CNPY1: variants seen among roughly 807,000 people sequenced by gnomAD.
CNPY1 encodes canopy FGF signaling regulator 1.
In CNPY1, 14 loss-of-function variants were observed where a neutral mutation model predicts 14.4. That is an observed-to-expected ratio of 0.97 (90% CI 0.64 to 1.52). The LOEUF (loss-of-function observed/expected upper bound fraction) is 1.52. Ranked by LOEUF, CNPY1 falls within the 40% of genes most tolerant of loss-of-function variation. CNPY1 has a pLI of 0.00. For missense variants in CNPY1, 129 were observed against 131.5 expected (o/e 0.98, Z 0.09); for synonymous variants, 43 against 46.5 (o/e 0.92, Z 0.31).
Position 155,503,081 on chromosome 7 carries a change from T to G in CNPY1, c.425A>C (p.His142Pro), listed in dbSNP as rs752125701. 5.6e-6 allele frequency: 9 copies of G among 1,606,798 alleles called. No homozygotes were observed. The highest frequency in any genetic ancestry group is 5.1e-6 in the Non-Finnish European group (6 of 1,179,282). Residue 142 changes from histidine to proline, a missense_variant, in exon 5 of 5, where the codon CAT (histidine) becomes CCT (proline). Transcript: ENST00000636446. ...KSDLCETSAN[H>P]TEL Reference sequence around the variant, plus strand: ...AGAACGGCACTCCTAGAGCTCAGTATGATTAGCAGAAGTTTCACACAGATC... The same window carrying G: ...AGAACGGCACTCCTAGAGCTCAGTAGGATTAGCAGAAGTTTCACACAGATC...
chr7:155,526,303 C>CCA (rs1262347676), intron 2 of CNPY1, among the ~76,000 whole-genome samples: 4 of 152,168 alleles, frequency 2.6e-5, no homozygotes, highest in African/African-American at 9.7e-5. Flanking sequence ...CATGTCGACT[C>CCA]CACAGGTAGA....
chr7:155,539,019 G>A (rs758772923), intron 2 of CNPY1, among the ~76,000 whole-genome samples: 58 of 152,308 alleles, frequency 3.8e-4, no homozygotes, highest in Non-Finnish European at 6.6e-4. Context: ...CAGGGGCCAG[G>A]AGCCAGCTTC....
At position 155,501,693 on chromosome 7, in the gene CNPY1, T is replaced by C. The variant is rs1441932845; in HGVS notation, c.*1375A>G. 6.6e-6 allele frequency: 1 copy of C among 152,238 alleles called. No individual in the cohort carries two copies. Among genetic ancestry groups the C allele is most frequent in the Non-Finnish European group, 1.5e-5 (1 of 68,040 alleles). 9.4% of individuals were successfully genotyped at this position (152,238 alleles called of 1,614,324 possible). On this transcript the variant is annotated 3_prime_UTR_variant, in exon 5 of 5. Coordinates refer to ENST00000636446, the MANE Select transcript of CNPY1 (RefSeq NM_001393663.1). The stretch of plus-strand genomic sequence containing the variant: ...ACTGGAAAATAGTGTTAATTATTAT[T>C]CAGTTCTATTTCCATCGTGTGTCAG...
At chr7:155,508,820 T>C (rs1290805366) in intron 3 of CNPY1, 74 bp downstream of exon 3, 1 of 1,486,456 alleles carries the variant, frequency 6.7e-7, no homozygotes, top group Admixed American at 1.9e-5. Flanking sequence ...ACAACAAGAG[T>C]AGAAAACAAC....
intron 2 of CNPY1, among the ~76,000 whole-genome samples, chr7:155,511,405 G>A (rs1457013014): frequency 2.6e-5 from 4 of 152,230 alleles, no homozygotes; most frequent in African/African-American, 9.6e-5. Flanking sequence ...TAATGTTTGT[G>A]TGTGGAAGGC....
intron 2 of CNPY1, among the ~76,000 whole-genome samples, chr7:155,537,386 G>A (rs987569981): frequency 6.6e-6 from 1 of 152,038 alleles, no homozygotes; most frequent in Non-Finnish European, 1.5e-5. Context: ...TTCAAGGAAG[G>A]GCCACATCAC....
At chr7:155,541,440 T>G (rs1585338000) in intron 2 of CNPY1, among the ~76,000 whole-genome samples, 1 of 152,330 alleles carries the variant, frequency 6.6e-6, no homozygotes, top group South Asian at 2.1e-4. Context: ...CTACAGGCTG[T>G]CCCATAAAGT....
intron 2 of CNPY1, among the ~76,000 whole-genome samples, chr7:155,528,923 T>C (rs984467029): frequency 3.3e-5 from 5 of 152,006 alleles, no homozygotes; most frequent in Non-Finnish European, 5.9e-5. Flanking sequence ...TAGCCAGGCA[T>C]GGTGGCAGGC....
chr7:155,508,473 C>T lies in CNPY1; in HGVS notation c.303+421G>A, dbSNP rs567195498. Among the ~76,000 whole-genome samples the T allele has an allele frequency of 2.6e-5, 4 of 152,320 alleles. No homozygotes were observed. The South Asian group carries it at 8.3e-4, about 32-fold the overall frequency. On this transcript the variant is annotated intron_variant, in intron 3 of 4. Coordinates refer to ENST00000636446, the MANE Select transcript of CNPY1 (RefSeq NM_001393663.1). ...CATTCGTTTTAATTTGGCTTTTAAC[C>T]TAGAAACCACAGCCCCTGATTCCTT...
intron 2 of CNPY1, among the ~76,000 whole-genome samples, chr7:155,535,222 CCCAGCATTGGTG>C (rs1797009565): frequency 6.6e-6 from 1 of 152,204 alleles, no homozygotes; most frequent in Non-Finnish European, 1.5e-5. Flanking sequence ...GTGGGATGGA[CCCAGCATTGGTG>C]CCAGGGCTTC....
intron 2 of CNPY1, among the ~76,000 whole-genome samples, chr7:155,542,751 C>T (rs1004441592): frequency 2.6e-5 from 4 of 152,216 alleles, no homozygotes; most frequent in Non-Finnish European, 5.9e-5. Context: ...TGAGCCAGTG[C>T]GGGCAGAGGC....
intron 4 of CNPY1, 68 bp downstream of exon 4, chr7:155,506,952 C>G: frequency 9.7e-7 from 1 of 1,030,856 alleles, no homozygotes; most frequent in Non-Finnish European, 1.5e-6. Flanking sequence ...GCAAACAAGA[C>G]GCTGCAAGGC....
At chr7:155,529,376 C>T (rs1190718470) in intron 2 of CNPY1, among the ~76,000 whole-genome samples, 1 of 152,170 alleles carries the variant, frequency 6.6e-6, no homozygotes, top group Non-Finnish European at 1.5e-5. Context: ...GTTTCCTAAC[C>T]TGCTGTAACA....
intron 2 of CNPY1, among the ~76,000 whole-genome samples, chr7:155,510,723 C>T (rs1490042132): frequency 6.6e-6 from 1 of 152,160 alleles, no homozygotes; most frequent in African/African-American, 2.4e-5. Flanking sequence ...ACACAAGTAG[C>T]GTTCTACTTA....
chr7:155,534,015 G>A (rs1010057821), intron 2 of CNPY1, among the ~76,000 whole-genome samples: 12 of 152,184 alleles, frequency 7.9e-5, no homozygotes, highest in Admixed American at 2.0e-4. Flanking sequence ...AGGACTGGAA[G>A]CCCGGGGGGA....
intron 2 of CNPY1, among the ~76,000 whole-genome samples, chr7:155,526,971 G>A (rs1796829559): frequency 6.6e-6 from 1 of 151,968 alleles, no homozygotes; most frequent in African/African-American, 2.4e-5. Context: ...TCCATCTGTA[G>A]AATGGTCTTC....
Position 155,502,696 on chromosome 7 carries a change from C to A in CNPY1, c.*372G>T, listed in dbSNP as rs548161040. On this transcript the variant is annotated 3_prime_UTR_variant, in exon 5 of 5. Coordinates refer to ENST00000636446, the MANE Select transcript of CNPY1 (RefSeq NM_001393663.1). Reference sequence around the variant, plus strand: ...TCCAGTTCTTATCAGACAGCCACTGCGCTTGCATATGTGCACATACACTGT... The same window carrying A: ...TCCAGTTCTTATCAGACAGCCACTGAGCTTGCATATGTGCACATACACTGT... The A allele has an allele frequency of 1.1e-4, 21 of 187,434 alleles. No homozygotes were observed. Among genetic ancestry groups the A allele is most frequent in the Middle Eastern group, 2.2e-3 (1 of 460 alleles). 11.6% of individuals were successfully genotyped at this position (187,434 alleles called of 1,614,324 possible). A position where few individuals can be genotyped will look rare whatever the true frequency, so the allele number is the denominator to read the frequency against.
At chr7:155,524,056 A>G (rs182034065) in intron 2 of CNPY1, among the ~76,000 whole-genome samples, 3 of 152,264 alleles carry the variant, frequency 2.0e-5, no homozygotes, top group Admixed American at 1.3e-4. Context: ...TGCCAACACC[A>G]TGGTCCTGGA....
At chr7:155,516,307 A>G (rs904918849) in intron 2 of CNPY1, among the ~76,000 whole-genome samples, 1 of 152,222 alleles carries the variant, frequency 6.6e-6, no homozygotes, top group African/African-American at 2.4e-5. Flanking sequence ...AAAATCAGTT[A>G]TGTTGTTTCA....
Sources: gnomAD v4.1 joint callset for allele counts (sites outside exome capture counted in the v4.1 genomes callset) on GRCh38, gnomAD v4.1.1 for gene constraint, MANE v1.5 for transcripts, NCBI Gene and HGNC (gene_info 2026-07-23, HGNC 2026-07-21) for gene names.